THSD7A: variants seen among roughly 807,000 people sequenced by gnomAD.
THSD7A encodes thrombospondin type 1 domain containing 7A, also known as thrombospondin type-1 domain-containing protein 7A.
THSD7A carries 96 observed loss-of-function variants against 231.3 expected under a neutral mutation model. That is an observed-to-expected ratio of 0.41 (90% CI 0.35 to 0.49). THSD7A has a LOEUF of 0.49. THSD7A is among the 20% of genes least tolerant of loss of function. The pLI is 0.05. For synonymous variants in THSD7A, 940 were observed against 743.3 expected, an observed-to-expected ratio of 1.26 and a Z score of -4.30; for missense variants, 2,290 against 2,070.2, an observed-to-expected ratio of 1.11 and a Z score of -2.06.
Position 11,691,438 on chromosome 7 carries a change from T to C in THSD7A, c.191-54477A>G, listed in dbSNP as rs539421663. ...TTCTTGATGAAATAAGAGTATAAAC[T>C]AATAGAAAGTGGGAGTAGAGGTTAA... On this transcript the variant is annotated intron_variant, in intron 1 of 27. Coordinates refer to ENST00000423059, the MANE Select transcript of THSD7A (RefSeq NM_015204.3). Among the ~76,000 whole-genome samples the C allele has an allele frequency of 4.6e-5, 7 of 151,586 alleles. No individual in the cohort carries two copies. In the South Asian group the frequency reaches 1.0e-3, roughly 22 times the overall value.
At chr7:11,698,577 G>C (rs527982285) in intron 1 of THSD7A, among the ~76,000 whole-genome samples, 12 of 151,498 alleles carry the variant, frequency 7.9e-5, no homozygotes, top group African/African-American at 2.9e-4. Flanking sequence ...ACAGAAGAAA[G>C]ACTGCAAATT....
At chr7:11,670,694 A>G (rs997533637) in intron 1 of THSD7A, among the ~76,000 whole-genome samples, 1 of 152,170 alleles carries the variant, frequency 6.6e-6, no homozygotes, top group Non-Finnish European at 1.5e-5. Context: ...AGCACTGTAG[A>G]TGGTATTAAC....
chr7:11,829,646 T>C (rs923000752), intron 1 of THSD7A, among the ~76,000 whole-genome samples: 2 of 152,170 alleles, frequency 1.3e-5, no homozygotes, highest in Admixed American at 1.3e-4. Context: ...ATTCCCTTCT[T>C]GCCTCTTTAT....
intron 1 of THSD7A, among the ~76,000 whole-genome samples, chr7:11,808,376 C>G (rs1784449283): frequency 1.3e-5 from 2 of 152,138 alleles, no homozygotes; most frequent in African/African-American, 4.8e-5. Context: ...CAGCATCCCT[C>G]ACCTTCAGAG....
chr7:11,824,317 C>T (rs1288671325), intron 1 of THSD7A, among the ~76,000 whole-genome samples: 1 of 152,012 alleles, frequency 6.6e-6, no homozygotes, highest in Non-Finnish European at 1.5e-5. Context: ...CAAAGAAACT[C>T]CACTATCCAG....
chr7:11,487,789 G>A lies in THSD7A; in HGVS notation c.1823-5807C>T, dbSNP rs114462246. ...CCATGAGAACATCATGGGGGAGACC[G>A]ACACCATTATTTAATTATCTCCACC... On this transcript the variant is annotated intron_variant, in intron 6 of 27. Transcript: ENST00000423059. Among the ~76,000 whole-genome samples the A allele has an allele frequency of 4.5e-3, 692 of 152,164 alleles. 4 individuals are homozygous for A. Among genetic ancestry groups the A allele is most frequent in the African/African-American group, 0.015 (626 of 41,520 alleles).
chr7:11,489,373 T>G (rs1786795346), intron 6 of THSD7A, among the ~76,000 whole-genome samples: 1 of 152,128 alleles, frequency 6.6e-6, no homozygotes, highest in Non-Finnish European at 1.5e-5. Flanking sequence ...CTGACCTCTT[T>G]TTTCTTAAAG....
At chr7:11,532,456 GA>G (rs1788747045) in intron 6 of THSD7A, among the ~76,000 whole-genome samples, 1 of 152,174 alleles carries the variant, frequency 6.6e-6, no homozygotes, top group East Asian at 1.9e-4. Flanking sequence ...AAGCAGGCAA[GA>G]AGACTGTTAG....
At chr7:11,796,732 T>C (rs1312692805) in intron 1 of THSD7A, among the ~76,000 whole-genome samples, 1 of 152,114 alleles carries the variant, frequency 6.6e-6, no homozygotes, top group Non-Finnish European at 1.5e-5. Flanking sequence ...TTAATTTGTA[T>C]ATTTATCTTA....
chr7:11,424,626 A>G, intron 16 of THSD7A, 70 bp downstream of exon 16: 1 of 1,590,172 alleles, frequency 6.3e-7, no homozygotes, highest in Non-Finnish European at 8.6e-7. Context: ...GTGAACAGTC[A>G]TGTTGGCACA....
At chr7:11,719,707 T>C (rs1272842324) in intron 1 of THSD7A, among the ~76,000 whole-genome samples, 1 of 151,652 alleles carries the variant, frequency 6.6e-6, no homozygotes, top group Non-Finnish European at 1.5e-5. Context: ...CATAATAAAA[T>C]CTTTAACTTC....
chr7:11,575,206 A>G (rs1278244729), intron 4 of THSD7A, among the ~76,000 whole-genome samples: 1 of 152,204 alleles, frequency 6.6e-6, no homozygotes, highest in East Asian at 1.9e-4. Flanking sequence ...ATTTTGATCT[A>G]TAGACAGAAA....
intron 23 of THSD7A, 113 bp downstream of exon 23, chr7:11,401,682 G>T: frequency 1.0e-6 from 1 of 982,814 alleles, no homozygotes; most frequent in Non-Finnish European, 1.4e-6. Flanking sequence ...AAAGCGTTGG[G>T]ATTACAGGCG....
At chr7:11,602,622 G>T (rs1468789511) in intron 2 of THSD7A, among the ~76,000 whole-genome samples, 1 of 151,796 alleles carries the variant, frequency 6.6e-6, no homozygotes, top group African/African-American at 2.4e-5. Context: ...ATTTTTCCTT[G>T]GTCTCAATTT....
intron 15 of THSD7A, among the ~76,000 whole-genome samples, chr7:11,426,229 CTCT>C (rs1784317318): frequency 6.6e-6 from 1 of 152,154 alleles, no homozygotes; most frequent in African/African-American, 2.4e-5. Context: ...AGGAGAAATG[CTCT>C]TCTTCTTAAT....
intron 1 of THSD7A, among the ~76,000 whole-genome samples, chr7:11,746,171 T>C (rs1430847093): frequency 6.6e-6 from 1 of 151,894 alleles, no homozygotes; most frequent in Non-Finnish European, 1.5e-5. Flanking sequence ...AATTGTTGCA[T>C]TTGCCCTGAT....
At chr7:11,503,649 G>A (rs1204134165) in intron 6 of THSD7A, among the ~76,000 whole-genome samples, 1 of 151,996 alleles carries the variant, frequency 6.6e-6, no homozygotes, top group Non-Finnish European at 1.5e-5. Flanking sequence ...GTGGGCAAAG[G>A]ACATGAACAG....
chr7:11,818,060 AATG>A, intron 1 of THSD7A, among the ~76,000 whole-genome samples: 1 of 152,190 alleles, frequency 6.6e-6, no homozygotes, highest in Non-Finnish European at 1.5e-5. Context: ...AGAAAATAAA[AATG>A]ACTTTTAAAT....
At chr7:11,398,836 T>TTGAG (rs1391414911) in intron 23 of THSD7A, among the ~76,000 whole-genome samples, 3 of 152,180 alleles carry the variant, frequency 2.0e-5, no homozygotes, top group African/African-American at 7.2e-5. Context: ...TAACAAAAGC[T>TTGAG]TGAGTCAATG....
Sources: allele counts gnomAD v4.1 joint callset (sites outside exome capture counted in the v4.1 genomes callset), GRCh38; gene constraint gnomAD v4.1.1; transcripts MANE v1.5; gene names NCBI Gene and HGNC (gene_info 2026-07-23, HGNC 2026-07-21).